The following KAT14 variants were observed in gnomAD, a reference collection of about 807,000 sequenced individuals.
KAT14 encodes cysteine-rich protein 2-binding protein.
Under a neutral mutation model 78.4 loss-of-function variants are expected in KAT14, and 66 were observed. The observed-to-expected ratio is 0.84, with a 90% CI of 0.69 to 1.03. The LOEUF is 1.03. Among genes scored for constraint, KAT14 ranks in the 50% least tolerant of loss-of-function variants. The pLI is 0.00. For missense variants in KAT14, 870 were observed against 972.5 expected, an observed-to-expected ratio of 0.89 and a Z score of 1.40; for synonymous variants, 344 against 359.4, an observed-to-expected ratio of 0.96 and a Z score of 0.48.
At chr20:18,157,146 C>T (rs948000540) in intron 4 of KAT14, among the ~76,000 whole-genome samples, 4 of 152,290 alleles carry the variant, frequency 2.6e-5, no homozygotes, top group South Asian at 2.1e-4. Context: ...TGTACAAGTA[C>T]GCACCCGTTT....
chr20:18,184,628 T>C lies in KAT14; in HGVS notation c.2008T>C (p.Tyr670His), dbSNP rs2039390898. 1 of 1,613,396 alleles carries C rather than the reference T, an allele frequency of 6.2e-7. No homozygotes were observed. Among genetic ancestry groups the C allele is most frequent in the Admixed American group, 1.7e-5 (1 of 59,854 alleles). ...PGIDLSECLQYPDFSVVVLYK... is the reference protein window; with the variant it reads ...PGIDLSECLQHPDFSVVVLYK... ...CATTGACCTGTCTGAGTGTCTGCAG[T>C]ACCCAGACTTCAGTGTTGTTGTTCT... The change falls in exon 10 of 11, where the codon TAC becomes CAC. Residue 670 changes from tyrosine (Y) to histidine (H), a missense_variant. Tyr to His is a moderately conservative substitution (Grantham distance 83). Coordinates refer to ENST00000688188, the MANE Select transcript of KAT14 (RefSeq NM_001392073.1).
Position 18,142,337 on chromosome 20 carries a change from A to C in KAT14, c.-324A>C. 1 of 1,536,476 alleles carries C rather than the reference A, an allele frequency of 6.5e-7. No individual in the cohort carries two copies. Among genetic ancestry groups the C allele is most frequent in the Non-Finnish European group, 8.7e-7 (1 of 1,146,372 alleles). ...AGAAAGAGAGAAGATGTTATTGGCA[A>C]AAGGATCTCAAAAATCATGACTTGA... On this transcript the variant is annotated 5_prime_UTR_variant, in exon 2 of 11. Transcript: ENST00000688188.
At chr20:18,168,807 C>T (rs1222726905) in intron 7 of KAT14, among the ~76,000 whole-genome samples, 1 of 151,966 alleles carries the variant, frequency 6.6e-6, no homozygotes, top group Non-Finnish European at 1.5e-5. Flanking sequence ...GGCATTTATT[C>T]TGCTTGGTGT....
intron 1 of KAT14, among the ~76,000 whole-genome samples, chr20:18,139,273 C>T (rs377356665): frequency 6.6e-6 from 1 of 152,162 alleles, no homozygotes; most frequent in East Asian, 1.9e-4. Context: ...CAGAAGACTT[C>T]CGCCTCTTAC....
intron 5 of KAT14, 33 bp from the exon 6 acceptor site, chr20:18,161,790 G>T (rs955182994): frequency 1.2e-5 from 19 of 1,590,392 alleles, no homozygotes; most frequent in Middle Eastern, 1.7e-4. Flanking sequence ...TCAGATGAGG[G>T]ATACTCAGCC....
chr20:18,138,883 A>G (rs994162141), intron 1 of KAT14, among the ~76,000 whole-genome samples: 1 of 152,242 alleles, frequency 6.6e-6, no homozygotes, highest in African/African-American at 2.4e-5. Flanking sequence ...CCACTCTTCC[A>G]GAGTCTATCA....
At position 18,162,061 on chromosome 20, in the gene KAT14, A is replaced by C; in HGVS notation, c.921A>C (p.Glu307Asp). 1 of 1,614,248 alleles carries C rather than the reference A, an allele frequency of 6.2e-7. No homozygotes were observed. Among genetic ancestry groups the C allele is most frequent in the South Asian group, 1.1e-5 (1 of 91,086 alleles). Reference sequence around the variant, plus strand: ...CAGATGTGATTCTGGAAAAAGGCGAAGTGATTGACTTTTCCTCCTTGAGCT... The same window carrying C: ...CAGATGTGATTCTGGAAAAAGGCGACGTGATTGACTTTTCCTCCTTGAGCT... ...RRPDVILEKG[E>D]VIDFSSLSSS... is the part of the protein sequence containing the mutation. Residue 307 changes from glutamate to aspartate, a missense_variant, in exon 6 of 11, where the codon GAA becomes GAC. Transcript: ENST00000688188.
In KAT14 at chr20:18,151,708, TA is replaced by T. The variant is rs869174157; in HGVS notation, c.500+776del. 2.5e-3 allele frequency among the ~76,000 whole-genome samples: 369 copies of T among 148,236 alleles called. 1 individual carries two copies. Among genetic ancestry groups the T allele is most frequent in the African/African-American group, 8.6e-3 (349 of 40,526 alleles). On this transcript the variant is annotated intron_variant, in intron 4 of 10. Coordinates refer to ENST00000688188, the MANE Select transcript of KAT14 (RefSeq NM_001392073.1). The stretch of plus-strand genomic sequence containing the variant: ...GAGAATATTTTTACTTTTTTAAGAT[TA>T]AAAAAAAAACTTGGCTGGGCGCAGT...
chr20:18,139,633 C>T (rs62205112), intron 1 of KAT14, among the ~76,000 whole-genome samples: 1,984 of 141,712 alleles, frequency 0.014, 22 homozygotes, highest in Admixed American at 0.023. Flanking sequence ...ACCAAAATAA[C>T]GTGTGTGTGT....
At chr20:18,148,613 GT>G (rs539926110) in intron 3 of KAT14, among the ~76,000 whole-genome samples, 5,231 of 140,914 alleles carry the variant, frequency 0.037, 143 homozygotes, top group African/African-American at 0.084. Flanking sequence ...ATTTTTTTTT[GT>G]TTTTTTTTTT....
In KAT14 at chr20:18,142,933, C is replaced by T. The variant is rs41276414; in HGVS notation, c.259+14C>T. 10 of 1,610,046 alleles carry T rather than the reference C, an allele frequency of 6.2e-6. No individual in the cohort carries two copies. Among genetic ancestry groups the T allele is most frequent in the Non-Finnish European group, 7.6e-6 (9 of 1,176,554 alleles). On this transcript the variant is annotated intron_variant, in intron 2 of 10. Coordinates refer to ENST00000688188, the MANE Select transcript of KAT14 (RefSeq NM_001392073.1). ...GGATACCAGCCAGTAAGGAGCTTCT[C>T]AATTCCTTTGATTTGTCAATTCCTG...
rs954745839 is a variant in KAT14 at position 18,142,895 on chromosome 20, A to C, written c.235A>C (p.Lys79Gln). The change falls in exon 2 of 11, where the codon AAG (lysine) becomes CAG (glutamine). Residue 79 changes from lysine to glutamine, a missense_variant. Lys to Gln is a moderately conservative substitution (Grantham distance 53). Transcript: ENST00000688188. ...MEEQLSYFCD[K>Q]CQKWIPASQL... ...GGAGCAGCTGTCCTACTTCTGTGAC[A>C]AGTGCCAAAAATGGATACCAGCCAG... is the stretch of plus-strand genomic sequence containing the variant. 1 of 1,614,098 alleles carries C rather than the reference A, an allele frequency of 6.2e-7. No individual in the cohort carries two copies. The highest frequency in any genetic ancestry group is 8.5e-7 in the Non-Finnish European group (1 of 1,179,940).
chr20:18,159,585 G>C (rs1264477241), intron 5 of KAT14, among the ~76,000 whole-genome samples: 4 of 152,192 alleles, frequency 2.6e-5, no homozygotes, highest in African/African-American at 9.7e-5. Context: ...TAAATAACAT[G>C]ATGAATTCCC....
chr20:18,161,920 A>G lies in KAT14; in HGVS notation c.780A>G (p.Lys260=), dbSNP rs3828013. The G allele has an allele frequency of 0.12, 197,288 of 1,614,156 alleles. 12,665 individuals are homozygous for G. Among genetic ancestry groups the G allele is most frequent in the South Asian group, 0.14 (13,053 of 91,082 alleles). Residue 260 remains lysine (K), a synonymous_variant, in exon 6 of 11, where the codon AAA becomes AAG. Coordinates refer to ENST00000688188, the MANE Select transcript of KAT14 (RefSeq NM_001392073.1). The part of the protein sequence containing the change: ...PVESAMELKE[K]RSRTQEAKDI... ...AATCTGCCATGGAATTAAAAGAGAA[A>G]AGGTCTCGAACTCAGGAAGCAAAAG...
At chr20:18,138,217 G>C in intron 1 of KAT14, 166 bp downstream of exon 1, 1 of 1,265,388 alleles carries the variant, frequency 7.9e-7, no homozygotes, top group Non-Finnish European at 9.9e-7. Flanking sequence ...CGGCCGCTCT[G>C]CTGGGCTCCG....
chr20:18,164,913 C>T (rs561215466), intron 7 of KAT14, among the ~76,000 whole-genome samples: 5 of 152,042 alleles, frequency 3.3e-5, no homozygotes, highest in Admixed American at 1.3e-4. Context: ...TGAGCCATTG[C>T]GCCTGGCCAA....
At chr20:18,186,382 T>C (rs2039455266) in intron 10 of KAT14, among the ~76,000 whole-genome samples, 1 of 152,204 alleles carries the variant, frequency 6.6e-6, no homozygotes, top group Non-Finnish European at 1.5e-5. Flanking sequence ...CACAAAGTGC[T>C]CTTGTCCCTG....
Position 18,142,487 on chromosome 20 carries a change from G to A in KAT14, c.-174G>A. 1 of 1,458,328 alleles carries A rather than the reference G, an allele frequency of 6.9e-7. No individual in the cohort carries two copies. The highest frequency in any genetic ancestry group is 9.0e-7 in the Non-Finnish European group (1 of 1,110,024). 90.3% of individuals were successfully genotyped at this position (1,458,328 alleles called of 1,614,324 possible). The stretch of plus-strand genomic sequence containing the variant: ...TTTAAACTTGATCAAATAAAGGACA[G>A]TGGGTCATATAAGTTACTGCTTTCA... On this transcript the variant is annotated 5_prime_UTR_variant, in exon 2 of 11. It adds an upstream start codon to the 5' untranslated region. Coordinates refer to ENST00000688188, the MANE Select transcript of KAT14 (RefSeq NM_001392073.1).
At chr20:18,177,471 G>A (rs562921278) in intron 7 of KAT14, among the ~76,000 whole-genome samples, 6 of 152,266 alleles carry the variant, frequency 3.9e-5, no homozygotes, top group Admixed American at 6.5e-5. Context: ...CTTTTGATAC[G>A]AGGAGCCGCT....
Sources: gnomAD v4.1 joint callset for allele counts (sites outside exome capture counted in the v4.1 genomes callset) on GRCh38, gnomAD v4.1.1 for gene constraint, MANE v1.5 for transcripts, NCBI Gene and HGNC (gene_info 2026-07-23, HGNC 2026-07-21) for gene names.